Variants in STARD9 observed in about 807,000 individuals in gnomAD.
The protein encoded by STARD9 is StAR related lipid transfer domain containing 9, also known as stAR-related lipid transfer protein 9.
Under a neutral mutation model 399.8 loss-of-function variants are expected in STARD9, and 346 were observed. The observed-to-expected ratio is 0.87, with a 90% CI of 0.79 to 0.95. The LOEUF (loss-of-function observed/expected upper bound fraction) is 0.95, where lower values mean the gene tolerates loss of function less well. Ranked by LOEUF, STARD9 falls within the 40% of genes least tolerant of loss-of-function variation. The pLI is 0.00. For missense variants in STARD9, 5,832 were observed against 5,667.5 expected, an observed-to-expected ratio of 1.03 and a Z score of -0.93; for synonymous variants, 2,203 against 2,143.5, an observed-to-expected ratio of 1.03 and a Z score of -0.77.
intron 15 of STARD9, 93 bp from the exon 16 acceptor site, chr15:42,669,065 A>C: frequency 3.6e-6 from 4 of 1,123,714 alleles, no homozygotes; most frequent in Non-Finnish European, 5.0e-6. Context: ...AGAAAGCAGT[A>C]CCCTGGGGAA....
intron 15 of STARD9, among the ~76,000 whole-genome samples, chr15:42,667,434 C>T (rs533833994): frequency 2.6e-5 from 4 of 151,294 alleles, no homozygotes; most frequent in South Asian, 2.1e-4. Flanking sequence ...CCACCCACCT[C>T]GGCCTCTCAA....
At chr15:42,634,806 C>CTA (rs1595679272) in intron 3 of STARD9, 50 bp from the exon 4 acceptor site, 3 of 838,350 alleles carry the variant, frequency 3.6e-6, no homozygotes, top group African/African-American at 3.5e-5. Context: ...TCTAAATCTG[C>CTA]TATGAGAAGA....
At chr15:42,699,240 C>T (rs1010136579) in intron 26 of STARD9, among the ~76,000 whole-genome samples, 1 of 151,956 alleles carries the variant, frequency 6.6e-6, no homozygotes, top group East Asian at 1.9e-4. Context: ...TATAGTCACC[C>T]TATTGTGTAA....
At position 42,663,256 on chromosome 15, in the gene STARD9, C is replaced by T. The variant is rs186629952; in HGVS notation, c.869-25C>T. ...TTTGCTTCATAATTCCTTCTTTCTTCCATTTTCTTTTTTCATCTTTTAAGC... is the reference window on the plus strand; with the variant it reads ...TTTGCTTCATAATTCCTTCTTTCTTTCATTTTCTTTTTTCATCTTTTAAGC... On this transcript the variant is annotated intron_variant, in intron 11 of 32. Transcript: ENST00000290607. 9.9e-6 allele frequency: 15 copies of T among 1,514,226 alleles called. No individual in the cohort carries two copies. In the African/African-American group the frequency reaches 2.1e-4, roughly 21 times the overall value. 93.8% of individuals were successfully genotyped at this position (1,514,226 alleles called of 1,614,324 possible).
intron 20 of STARD9, among the ~76,000 whole-genome samples, chr15:42,679,526 C>T (rs1339545751): frequency 1.3e-5 from 2 of 152,214 alleles, no homozygotes; most frequent in Middle Eastern, 6.3e-3. Flanking sequence ...GTGGTTGTGT[C>T]AGCTCCCACT....
In STARD9 at chr15:42,663,456, C is replaced by T; in HGVS notation, c.1044C>T (p.Ser348=). ...TGTTGACCTGGCTGCTGAAGGACAG[C>T]CTTGGAGGCAACTCTAAAACCATCA... ...DSVLTWLLKD[S]LGGNSKTIMV... is the part of the protein sequence containing the mutation. The change falls in exon 12 of 33, where the codon AGC becomes AGT. Residue 348 remains serine (S), a synonymous_variant. Coordinates refer to ENST00000290607, the MANE Select transcript of STARD9 (RefSeq NM_020759.3). 1 of 1,537,282 alleles carries T rather than the reference C, an allele frequency of 6.5e-7. No homozygotes were observed. The highest frequency in any genetic ancestry group is 1.2e-5 in the South Asian group (1 of 84,052).
rs1352432253 is a variant in STARD9, at chr15:42,692,355, C to T, written c.10777C>T (p.Pro3593Ser). ...GHDRRPQFRG[P>S]SGEADCLRSK... ...TGACAGAAGGCCTCAGTTCAGGGGC[C>T]CTTCTGGTGAAGCAGACTGTCTGAG... Residue 3593 changes from proline (P) to serine (S), a missense_variant, in exon 23 of 33, where the codon CCT (proline) becomes TCT (serine). Physicochemically the swap from Pro to Ser is moderately conservative, Grantham distance 74. Coordinates refer to ENST00000290607, the MANE Select transcript of STARD9 (RefSeq NM_020759.3). 6.5e-7 allele frequency: 1 copy of T among 1,536,876 alleles called. No homozygotes were observed. The highest frequency in any genetic ancestry group is 1.2e-5 in the South Asian group (1 of 84,070).
At chr15:42,641,609 CT>C (rs71431856) in intron 7 of STARD9, among the ~76,000 whole-genome samples, 45,754 of 140,356 alleles carry the variant, frequency 0.33, 10,120 homozygotes, top group African/African-American at 0.64. Flanking sequence ...TTTTTCTTTT[CT>C]TTTTTTTTTT....
chr15:42,626,246 TTCTTCC>T (rs61712813), intron 3 of STARD9, among the ~76,000 whole-genome samples: 8,775 of 151,584 alleles, frequency 0.058, 579 homozygotes, highest in African/African-American at 0.16. Context: ...CTTCTTCTTC[TTCTTCC>T]TCTTCCTCTT....
chr15:42,620,626 C>G (rs559462078), intron 3 of STARD9, among the ~76,000 whole-genome samples: 2 of 152,304 alleles, frequency 1.3e-5, no homozygotes, highest in East Asian at 3.9e-4. Context: ...GTTATCTTAA[C>G]TCTAGTCTAA....
At chr15:42,712,721 A>G (rs1313871876) in intron 26 of STARD9, among the ~76,000 whole-genome samples, 1 of 152,136 alleles carries the variant, frequency 6.6e-6, no homozygotes, top group African/African-American at 2.4e-5. Flanking sequence ...TGTGTGTGAC[A>G]GGGTCTCGCT....
Position 42,691,553 on chromosome 15 carries a change from G to T in STARD9, c.9975G>T (p.Gln3325His), listed in dbSNP as rs1372128954. 1.2e-5 allele frequency: 18 copies of T among 1,537,262 alleles called. No homozygotes were observed. The highest frequency in any genetic ancestry group is 1.6e-5 in the Non-Finnish European group (18 of 1,146,916). The change falls in exon 23 of 33, where the codon CAG becomes CAT. Residue 3325 changes from glutamine (Q) to histidine (H), a missense_variant. Around this residue, in one of 2 missense-constraint regions of STARD9, gnomAD observed 5,828 missense variants for 5,651.1 expected, o/e 1.03. Transcript: ENST00000290607. ...PKHSRSSPTP[Q>H]FSVVGSSRSL... ...ACTCCAGGTCCTCCCCCACACCACA[G>T]TTCTCAGTTGTCGGCTCTTCTCGTT... is the stretch of plus-strand genomic sequence containing the variant.
rs1306238620 is a variant in STARD9, at chr15:42,682,537, C to G, written c.2499C>G (p.Pro833=). The stretch of plus-strand genomic sequence containing the variant: ...TGACGAGTTGCAGTTCTTTGAGCCC[C>G]CAAAGACTCTGCAGCAAGCACATGC... ...SKLTSCSSLS[P]QRLCSKHMPQ... is the part of the protein sequence containing the mutation. Residue 833 remains proline, a synonymous_variant, in exon 22 of 33, where the codon CCC becomes CCG. Transcript: ENST00000290607. 2.0e-6 allele frequency: 3 copies of G among 1,537,096 alleles called. No homozygotes were observed. The highest frequency in any genetic ancestry group is 2.6e-6 in the Non-Finnish European group (3 of 1,146,848).
chr15:42,636,131 T>A (rs963565485), intron 4 of STARD9, among the ~76,000 whole-genome samples: 2 of 152,058 alleles, frequency 1.3e-5, no homozygotes. Flanking sequence ...ACTCCATCTC[T>A]ACAAAAAATA....
At chr15:42,590,031 G>T (rs2058363735) in intron 3 of STARD9, among the ~76,000 whole-genome samples, 1 of 145,110 alleles carries the variant, frequency 6.9e-6, no homozygotes, top group African/African-American at 2.6e-5. Flanking sequence ...CGCAGTCACA[G>T]CTCACTGCAG....
Position 42,684,650 on chromosome 15 carries a change from A to C in STARD9, c.3072A>C (p.Ala1024=). 6.5e-7 allele frequency: 1 copy of C among 1,537,202 alleles called. No individual in the cohort carries two copies. The highest frequency in any genetic ancestry group is 1.7e-4 in the Middle Eastern group (1 of 5,990). The change falls in exon 23 of 33, where the codon GCA becomes GCC. Residue 1024 remains alanine, a synonymous_variant. Coordinates refer to ENST00000290607, the MANE Select transcript of STARD9 (RefSeq NM_020759.3). Reference sequence around the variant, plus strand: ...GGCAGACTGCTGGGCACGGAAAGGCAGTCAAGACTTTTTGGACAGAATACA... The same window carrying C: ...GGCAGACTGCTGGGCACGGAAAGGCCGTCAAGACTTTTTGGACAGAATACA... ...GPRQTAGHGK[A]VKTFWTEYKP...
chr15:42,615,018 T>TA (rs942416890), intron 3 of STARD9, among the ~76,000 whole-genome samples: 1 of 146,648 alleles, frequency 6.8e-6, no homozygotes, highest in African/African-American at 2.5e-5. Flanking sequence ...CAAGGATTTT[T>TA]TTTTTTTTTT....
intron 26 of STARD9, among the ~76,000 whole-genome samples, chr15:42,697,964 A>G (rs975473699): frequency 2.0e-5 from 3 of 152,268 alleles, no homozygotes; most frequent in Admixed American, 6.5e-5. Flanking sequence ...GTTTCTTGGA[A>G]GGTATCCTCC....
chr15:42,686,775 A>G lies in STARD9; in HGVS notation c.5197A>G (p.Asn1733Asp). The change falls in exon 23 of 33, where the codon AAT becomes GAT. Residue 1733 changes from asparagine (N) to aspartate (D), a missense_variant. Around this residue, in one of 2 missense-constraint regions of STARD9, gnomAD observed 5,828 missense variants for 5,651.1 expected, o/e 1.03. Transcript: ENST00000290607. Reference protein sequence around the residue: ...PELYLHSAPWNPLSSSLQPPL... With the variant: ...PELYLHSAPWDPLSSSLQPPL... ...GCTATACCTTCACTCTGCTCCCTGGAATCCATTGTCATCTTCCCTGCAGCC... is the reference window on the plus strand; with the variant it reads ...GCTATACCTTCACTCTGCTCCCTGGGATCCATTGTCATCTTCCCTGCAGCC... The G allele has an allele frequency of 2.6e-6, 4 of 1,537,366 alleles. No homozygotes were observed. The highest frequency in any genetic ancestry group is 3.5e-6 in the Non-Finnish European group (4 of 1,146,944).
Sources: allele counts gnomAD v4.1 joint callset (sites outside exome capture counted in the v4.1 genomes callset), GRCh38; gene constraint gnomAD v4.1.1; regional missense constraint gnomAD v4.1.1; transcripts MANE v1.5; gene names NCBI Gene and HGNC (gene_info 2026-07-23, HGNC 2026-07-21).